Variants in CRYBG3 observed in about 807,000 individuals in gnomAD.
CRYBG3 encodes very large A-kinase anchor protein.
CRYBG3 carries 127 observed loss-of-function variants against 244.2 expected under a neutral mutation model. The observed-to-expected ratio is 0.52, with a 90% CI of 0.45 to 0.60. CRYBG3 has a LOEUF of 0.60. Ranked by LOEUF, CRYBG3 falls within the 20% of genes least tolerant of loss-of-function variation. CRYBG3 has a pLI of 0.00. For synonymous variants in CRYBG3, 1,132 were observed against 1,195.8 expected (o/e 0.95, Z 1.10); for missense variants, 3,325 against 3,442.5 (o/e 0.97, Z 0.85).
chr3:97,879,642 T>A, intron 4 of CRYBG3, 62 bp from the exon 5 acceptor site: 4 of 1,182,278 alleles, frequency 3.4e-6, no homozygotes, highest in Non-Finnish European at 3.7e-6. Context: ...GCTAAGAAAA[T>A]GAATTATGCA....
At position 97,831,258 on chromosome 3, in the gene CRYBG3, G is replaced by A. The variant is rs11924215; in HGVS notation, c.149+8903G>A. On this transcript the variant is annotated intron_variant, in intron 1 of 21. Coordinates refer to ENST00000389622, the MANE Select transcript of CRYBG3 (RefSeq NM_153605.4). ...CTGTTGGGCCCACAGAACAGACAGT[G>A]GTTTATGACAAAAGTCTGTTGAGAT... 1.5e-3 allele frequency among the ~76,000 whole-genome samples: 232 copies of A among 152,248 alleles called. 1 individual carries two copies. Among genetic ancestry groups the A allele is most frequent in the African/African-American group, 5.3e-3 (219 of 41,554 alleles).
intron 2 of CRYBG3, among the ~76,000 whole-genome samples, chr3:97,853,693 C>T (rs1312253858): frequency 6.6e-6 from 1 of 152,106 alleles, no homozygotes; most frequent in African/African-American, 2.4e-5. Context: ...AAAGTGTTCT[C>T]CTTTCACTGA....
At chr3:97,925,737 A>T (rs1278663956) in intron 17 of CRYBG3, among the ~76,000 whole-genome samples, 7 of 151,952 alleles carry the variant, frequency 4.6e-5, no homozygotes, top group Non-Finnish European at 8.8e-5. Context: ...TGTATTTGCT[A>T]TGTTTTATTT....
chr3:97,857,238 C>T (rs530872113), intron 2 of CRYBG3, among the ~76,000 whole-genome samples: 11 of 151,956 alleles, frequency 7.2e-5, no homozygotes, highest in African/African-American at 2.2e-4. Flanking sequence ...AAAAATACTT[C>T]GTATGATTTT....
At position 97,944,114 on chromosome 3, in the gene CRYBG3, T is replaced by TC. The variant is rs1402378070; in HGVS notation, c.*800_*801insC. On this transcript the variant is annotated 3_prime_UTR_variant, in exon 22 of 22. Coordinates refer to ENST00000389622, the MANE Select transcript of CRYBG3 (RefSeq NM_153605.4). ...AGATTTAAGGAGAGGCATCAATTTT[T>TC]TTTTTTTTTTGCCTCAAGAGAAATT... 6.6e-6 allele frequency: 1 copy of TC among 151,782 alleles called. No homozygotes were observed. The highest frequency in any genetic ancestry group is 2.4e-5 in the African/African-American group (1 of 41,374). 9.4% of individuals were successfully genotyped at this position (151,782 alleles called of 1,614,324 possible).
At chr3:97,919,714 T>TAAA (rs3058034) in intron 17 of CRYBG3, among the ~76,000 whole-genome samples, 52 of 127,064 alleles carry the variant, frequency 4.1e-4, no homozygotes, top group Non-Finnish European at 5.9e-4. Flanking sequence ...ATAAAATGAT[T>TAAA]AAAAAAAAAA....
chr3:97,934,822 C>T (rs1404837264), intron 18 of CRYBG3, among the ~76,000 whole-genome samples: 2 of 152,084 alleles, frequency 1.3e-5, no homozygotes, highest in Non-Finnish European at 2.9e-5. Flanking sequence ...CTAAATTTTA[C>T]ATCCCTGTGA....
chr3:97,898,539 C>A (rs2039665657), intron 12 of CRYBG3, among the ~76,000 whole-genome samples: 1 of 152,130 alleles, frequency 6.6e-6, no homozygotes, highest in Non-Finnish European at 1.5e-5. Context: ...ACACTATTTA[C>A]TTTTGTTTCA....
intron 1 of CRYBG3, among the ~76,000 whole-genome samples, chr3:97,833,481 G>A (rs1475099524): frequency 6.6e-6 from 1 of 151,978 alleles, no homozygotes; most frequent in African/African-American, 2.4e-5. Context: ...CAAACACCAC[G>A]TGTTCTTACT....
intron 1 of CRYBG3, among the ~76,000 whole-genome samples, chr3:97,837,466 C>G (rs552740164): frequency 6.6e-6 from 1 of 152,142 alleles, no homozygotes; most frequent in African/African-American, 2.4e-5. Context: ...ATTCTTTTTC[C>G]CTGTTCTCAA....
At chr3:97,935,136 G>T (rs1266887553) in intron 18 of CRYBG3, among the ~76,000 whole-genome samples, 1 of 152,040 alleles carries the variant, frequency 6.6e-6, no homozygotes, top group Non-Finnish European at 1.5e-5. Flanking sequence ...AGTTGGGTTT[G>T]TTTTAATCCC....
rs117396672 is a variant in CRYBG3 at position 97,876,000 on chromosome 3, C to T, written c.4806C>T (p.Ala1602=). ...TGGGAGAAGTATACCAAATGGATGC[C>T]GAGAGCTGTATTGAAAAAACTGAGG... The part of the protein sequence containing the change: ...FKMGEVYQMD[A]ESCIEKTEGS... Residue 1602 remains alanine, a synonymous_variant, in exon 4 of 22, where the codon GCC becomes GCT. Coordinates refer to ENST00000389622, the MANE Select transcript of CRYBG3 (RefSeq NM_153605.4). 1.1e-4 allele frequency: 140 copies of T among 1,231,832 alleles called. No individual in the cohort carries two copies. Among genetic ancestry groups the T allele is most frequent in the African/African-American group, 1.4e-4 (9 of 64,438 alleles). The allele number at this position is 1,231,832 out of a possible 1,614,324, so 76.3% of individuals were successfully genotyped here.
chr3:97,931,459 G>A (rs961978860), intron 17 of CRYBG3, among the ~76,000 whole-genome samples: 10 of 152,042 alleles, frequency 6.6e-5, no homozygotes, highest in African/African-American at 2.4e-4. Context: ...GTATGTCAGT[G>A]CAGTTCTAGT....
intron 1 of CRYBG3, among the ~76,000 whole-genome samples, chr3:97,827,867 C>T (rs1401570608): frequency 6.6e-6 from 1 of 152,112 alleles, no homozygotes; most frequent in South Asian, 2.1e-4. Flanking sequence ...GTGACAGCTT[C>T]CTCCGCTTAA....
At chr3:97,862,100 T>A (rs555303267) in intron 2 of CRYBG3, among the ~76,000 whole-genome samples, 5,289 of 151,588 alleles carry the variant, frequency 0.035, 299 homozygotes, top group African/African-American at 0.12. Flanking sequence ...GTTTTTTTTT[T>A]AAAAAATTAT....
intron 3 of CRYBG3, among the ~76,000 whole-genome samples, chr3:97,866,259 A>C (rs1023014135): frequency 1.3e-5 from 2 of 152,188 alleles, no homozygotes; most frequent in Non-Finnish European, 2.9e-5. Context: ...TAGAAATTCA[A>C]TTGGCAATAT....
intron 8 of CRYBG3, 75 bp from the exon 9 acceptor site, chr3:97,888,266 G>C: frequency 1.2e-6 from 1 of 840,954 alleles, no homozygotes; most frequent in East Asian, 2.6e-5. Context: ...TTTTTATTTT[G>C]GTAGCCCTTT....
intron 15 of CRYBG3, among the ~76,000 whole-genome samples, chr3:97,904,670 A>AT (rs958984720): frequency 7.5e-5 from 11 of 146,930 alleles, no homozygotes; most frequent in Admixed American, 3.4e-4. Flanking sequence ...TTTTATTTTT[A>AT]TTTTTTTTAT....
In CRYBG3 at chr3:97,864,573, C is replaced by T; in HGVS notation, c.573C>T (p.Asn191=). The T allele has an allele frequency of 6.5e-7, 1 of 1,535,818 alleles. No individual in the cohort carries two copies. Among genetic ancestry groups the T allele is most frequent in the Non-Finnish European group, 8.7e-7 (1 of 1,146,680 alleles). Residue 191 remains asparagine, a synonymous_variant, in exon 3 of 22, where the codon AAC becomes AAT. Transcript: ENST00000389622. ...QTHPTEEQDS[N]SSELSDAFSL... ...ATCCAACAGAAGAACAAGACTCTAA[C>T]TCATCCGAACTCTCAGATGCTTTTT...
Sources: gnomAD v4.1 joint callset for allele counts (sites outside exome capture counted in the v4.1 genomes callset) on GRCh38, gnomAD v4.1.1 for gene constraint, MANE v1.5 for transcripts, NCBI Gene and HGNC (gene_info 2026-07-23, HGNC 2026-07-21) for gene names.